Variants in OXR1 observed in about 807,000 individuals in gnomAD.
OXR1 encodes oxidation resistance protein 1.
Under a neutral mutation model 104.6 loss-of-function variants are expected in OXR1, and 41 were observed. The ratio of observed to expected loss-of-function variants is 0.39; its 90% CI spans 0.31 to 0.51. OXR1 has a LOEUF of 0.51. Ranked by LOEUF, OXR1 falls within the 20% of genes least tolerant of loss-of-function variation. OXR1 has a pLI of 0.77. For missense variants in OXR1, 955 were observed against 1,031.9 expected (o/e 0.93, Z 1.02); for synonymous variants, 348 against 348.4 (o/e 1.00, Z 0.01).
chr8:106,715,820 G>A (rs891291238), intron 11 of OXR1, among the ~76,000 whole-genome samples: 5 of 152,134 alleles, frequency 3.3e-5, no homozygotes, highest in Non-Finnish European at 5.9e-5. Context: ...AGACTCTGCA[G>A]GGTATAATTT....
In OXR1 at chr8:106,733,285, A is replaced by G. The variant is rs574155820; in HGVS notation, c.1957-4235A>G. On this transcript the variant is annotated intron_variant, in intron 11 of 16. Transcript: ENST00000517566. ...AGTGTACAGTTTATAGTATTTCTTC[A>G]TTATTCTTTTAATATCCATGGGATC... Among the ~76,000 whole-genome samples, 7 of 152,200 alleles carry G rather than the reference A, an allele frequency of 4.6e-5. No homozygotes were observed. In the South Asian group the frequency reaches 1.5e-3, roughly 32 times the overall value.
chr8:106,428,364 A>G (rs1819218477), intron 2 of OXR1, among the ~76,000 whole-genome samples: 1 of 152,144 alleles, frequency 6.6e-6, no homozygotes, highest in Non-Finnish European at 1.5e-5. Flanking sequence ...GTTTTTTCCA[A>G]AAAGACTTTT....
chr8:106,684,285 G>A lies in OXR1; in HGVS notation c.451G>A (p.Glu151Lys). 6.2e-7 allele frequency: 1 copy of A among 1,608,724 alleles called. No individual in the cohort carries two copies. Among genetic ancestry groups the A allele is most frequent in the Non-Finnish European group, 8.5e-7 (1 of 1,175,336 alleles). ...TGATCCTGAATATGTCTCCAGTGTT[G>A]AGAGCTCTCCATCTCTAAGCCCCGT... is the stretch of plus-strand genomic sequence containing the variant. ...VPDPEYVSSVESSPSLSPVSP... is the reference protein window; with the variant it reads ...VPDPEYVSSVKSSPSLSPVSP... Residue 151 changes from glutamate (E) to lysine (K), a missense_variant, in exon 6 of 17, where the codon GAG becomes AAG. Coordinates refer to ENST00000517566, the MANE Select transcript of OXR1 (RefSeq NM_001198533.2).
intron 2 of OXR1, among the ~76,000 whole-genome samples, chr8:106,394,498 T>A (rs902081917): frequency 4.6e-5 from 7 of 152,114 alleles, no homozygotes; most frequent in African/African-American, 1.4e-4. Context: ...ATATCATTTA[T>A]ATTCATAATC....
At chr8:106,574,959 TG>T (rs1817724839) in intron 3 of OXR1, among the ~76,000 whole-genome samples, 1 of 152,220 alleles carries the variant, frequency 6.6e-6, no homozygotes. Context: ...TATCTTTAGT[TG>T]GTTTTTTATG....
At chr8:106,451,663 A>G (rs1820321574) in intron 2 of OXR1, among the ~76,000 whole-genome samples, 1 of 152,208 alleles carries the variant, frequency 6.6e-6, no homozygotes, top group Non-Finnish European at 1.5e-5. Flanking sequence ...ACGTTGCTTG[A>G]TATAGTATAA....
chr8:106,470,489 G>A (rs1308830952), intron 2 of OXR1, among the ~76,000 whole-genome samples: 1 of 151,742 alleles, frequency 6.6e-6, no homozygotes, highest in African/African-American at 2.4e-5. Flanking sequence ...AGACTGGGGG[G>A]TAGAATAGTT....
chr8:106,467,444 A>G (rs1428224548), intron 2 of OXR1, among the ~76,000 whole-genome samples: 1 of 151,838 alleles, frequency 6.6e-6, no homozygotes, highest in African/African-American at 2.4e-5. Context: ...GGATGACCAC[A>G]AAGAGCTTTA....
chr8:106,750,896 G>A lies in OXR1; in HGVS notation c.2577G>A (p.Lys859=). ...KTFGNRTLSK[K]EDFFIQDIEI... is the part of the protein sequence containing the mutation. ...TTGGGAATCGTACACTTTCTAAGAA[G>A]GAAGATTTCTTTATCCAAGATATTG... Residue 859 remains lysine, a synonymous_variant, in exon 17 of 17, where the codon AAG becomes AAA. Coordinates refer to ENST00000517566, the MANE Select transcript of OXR1 (RefSeq NM_001198533.2). 1 of 1,607,276 alleles carries A rather than the reference G, an allele frequency of 6.2e-7. No homozygotes were observed. The highest frequency in any genetic ancestry group is 1.1e-5 in the South Asian group (1 of 90,434).
intron 16 of OXR1, among the ~76,000 whole-genome samples, chr8:106,749,973 T>C (rs947873836): frequency 7.2e-5 from 11 of 152,138 alleles, no homozygotes; most frequent in Admixed American, 2.0e-4. Flanking sequence ...TATTTGTCCA[T>C]TTAAAGTCCT....
intron 3 of OXR1, among the ~76,000 whole-genome samples, chr8:106,621,135 A>G (rs1347044033): frequency 1.3e-5 from 2 of 152,216 alleles, no homozygotes; most frequent in Admixed American, 1.3e-4. Context: ...TGCTGAATGC[A>G]TGCCAATCTC....
chr8:106,327,151 G>A (rs1167784909), intron 1 of OXR1, among the ~76,000 whole-genome samples: 3 of 152,000 alleles, frequency 2.0e-5, no homozygotes, highest in East Asian at 1.9e-4. Context: ...TTTGAATGCC[G>A]AACCTCCAAT....
intron 3 of OXR1, among the ~76,000 whole-genome samples, chr8:106,649,197 C>T (rs973561621): frequency 6.6e-6 from 1 of 151,876 alleles, no homozygotes; most frequent in African/African-American, 2.4e-5. Flanking sequence ...AGAGTAAGAC[C>T]CTATCTCAAA....
In OXR1 at chr8:106,744,651, A is replaced by G. The variant is rs371506354; in HGVS notation, c.2413-1138A>G. On this transcript the variant is annotated intron_variant, in intron 15 of 16. Transcript: ENST00000517566. ...CTTTACTGTGGCTTGACTAACACAA[A>G]TTGAATACATTCTCATGCCAATAAA... 2.6e-5 allele frequency among the ~76,000 whole-genome samples: 4 copies of G among 152,202 alleles called. No individual in the cohort carries two copies. The East Asian group carries it at 7.7e-4, about 29-fold the overall frequency.
intron 9 of OXR1, among the ~76,000 whole-genome samples, chr8:106,709,137 C>T (rs1055394500): frequency 1.3e-5 from 2 of 151,960 alleles, no homozygotes; most frequent in African/African-American, 4.8e-5. Context: ...TTATAAAAAT[C>T]TTCTGGAATT....
chr8:106,402,695 A>G (rs532827686), intron 2 of OXR1, among the ~76,000 whole-genome samples: 1 of 152,346 alleles, frequency 6.6e-6, no homozygotes, highest in African/African-American at 2.4e-5. Flanking sequence ...AAAAGGCTAT[A>G]GGTCACTTTG....
At chr8:106,729,638 C>T (rs139573487) in intron 11 of OXR1, among the ~76,000 whole-genome samples, 2 of 152,164 alleles carry the variant, frequency 1.3e-5, no homozygotes, top group African/African-American at 4.8e-5. Context: ...GTAAGTGAAA[C>T]ATCTTCTGCT....
intron 3 of OXR1, among the ~76,000 whole-genome samples, chr8:106,665,688 G>A (rs1427133771): frequency 6.6e-6 from 1 of 152,078 alleles, no homozygotes; most frequent in Non-Finnish European, 1.5e-5. Context: ...TGTGTGTGAA[G>A]GCTTATTTCA....
intron 2 of OXR1, among the ~76,000 whole-genome samples, chr8:106,390,440 C>T (rs1311815537): frequency 1.3e-5 from 2 of 152,092 alleles, no homozygotes; most frequent in Non-Finnish European, 2.9e-5. Context: ...TATATTAATT[C>T]AGTTAGTTCC....
Sources: allele counts gnomAD v4.1 joint callset (sites outside exome capture counted in the v4.1 genomes callset), GRCh38; gene constraint gnomAD v4.1.1; transcripts MANE v1.5; gene names NCBI Gene and HGNC (gene_info 2026-07-23, HGNC 2026-07-21).